EYS: variants seen among roughly 807,000 people sequenced by gnomAD.
The protein encoded by EYS is protein eyes shut homolog.
A neutral mutation model predicts 282.1 loss-of-function variants in EYS; 250 were observed. The observed-to-expected ratio is 0.89, with a 90% CI of 0.80 to 0.98. EYS has a LOEUF of 0.98. Ranked by LOEUF, EYS falls within the 50% of genes least tolerant of loss-of-function variation. The probability of loss-of-function intolerance (pLI) is 0.00; values close to 1 mark genes in which losing one functional copy is unlikely to be tolerated. For missense variants in EYS, 4,016 were observed against 3,709.0 expected (o/e 1.08, Z -2.15); for synonymous variants, 1,355 against 1,282.9 (o/e 1.06, Z -1.20).
intron 13 of EYS, among the ~76,000 whole-genome samples, chr6:65,040,296 T>A (rs879844858): frequency 6.6e-6 from 1 of 151,738 alleles, no homozygotes; most frequent in African/African-American, 2.4e-5. Flanking sequence ...AGAGAATCTC[T>A]TCCATGTTCC....
chr6:64,626,179 A>T lies in EYS; in HGVS notation c.3510T>A (p.Cys1170Ter). ...GATCTTCACAGTCTGCACCATGTAGACATGGTGATGAAGAGCATTCATTTA... is the reference window on the plus strand; with the variant it reads ...GATCTTCACAGTCTGCACCATGTAGTCATGGTGATGAAGAGCATTCATTTA... ...ININECSSSP[C>*]LHGADCEDHI... The change falls in exon 23 of 43, where the codon TGT becomes TGA. Residue 1170 changes from cysteine (C) to a stop codon, truncating the protein, a stop_gained. Transcript: ENST00000503581. LOFTEE classifies it high-confidence loss of function. The T allele has an allele frequency of 1.9e-6, 3 of 1,544,940 alleles. No homozygotes were observed. The highest frequency in any genetic ancestry group is 2.6e-6 in the Non-Finnish European group (3 of 1,145,254).
intron 16 of EYS, 61 bp downstream of exon 16, chr6:64,912,423 A>G (rs1249383243): frequency 1.3e-6 from 2 of 1,486,260 alleles, no homozygotes; most frequent in Non-Finnish European, 1.8e-6. Context: ...CATAGGCACA[A>G]TAAATACACA....
intron 11 of EYS, chr6:65,330,201 G>GA: frequency 1.0e-6 from 1 of 953,860 alleles, no homozygotes; most frequent in Non-Finnish European, 1.2e-6. Flanking sequence ...ATTACCTGGG[G>GA]ACAGGTATCA....
At chr6:65,188,124 C>T (rs1426389093) in intron 12 of EYS, among the ~76,000 whole-genome samples, 1 of 151,436 alleles carries the variant, frequency 6.6e-6, no homozygotes, top group Non-Finnish European at 1.5e-5. Flanking sequence ...AGTATATATA[C>T]TCATATCAAT....
chr6:63,789,167 C>T lies in EYS; in HGVS notation c.7469G>A (p.Ser2490Asn). ...TGCTATGCCAGACCCCAGGTTATAA[C>T]TATAAACCACACTGCCATTGAGCAG... ...VGLLNGSVVY[S>N]YNLGSGIASI... Residue 2490 changes from serine to asparagine, a missense_variant, in exon 38 of 43, where the codon AGT becomes AAT. Coordinates refer to ENST00000503581, the MANE Select transcript of EYS (RefSeq NM_001142800.2). The T allele has an allele frequency of 6.4e-7, 1 of 1,551,828 alleles. No homozygotes were observed. The highest frequency in any genetic ancestry group is 8.7e-7 in the Non-Finnish European group (1 of 1,146,956).
intron 22 of EYS, among the ~76,000 whole-genome samples, chr6:64,726,032 C>T (rs555165553): frequency 1.3e-4 from 20 of 152,050 alleles, no homozygotes; most frequent in Middle Eastern, 3.4e-3. Context: ...TCAAAAATAC[C>T]CCTATTCTTC....
intron 42 of EYS, 61 bp from the exon 43 acceptor site, chr6:63,721,858 T>C (rs375560821): frequency 2.7e-6 from 4 of 1,461,330 alleles, no homozygotes; most frequent in East Asian, 2.5e-5. Context: ...TGAAAACTTT[T>C]GCTGTTTCTG....
At chr6:64,782,039 C>T (rs1173704619) in intron 22 of EYS, among the ~76,000 whole-genome samples, 2 of 152,080 alleles carry the variant, frequency 1.3e-5, no homozygotes, top group East Asian at 1.9e-4. Context: ...ACCAGTAAAA[C>T]GATGTTTTGT....
intron 2 of EYS, among the ~76,000 whole-genome samples, chr6:65,588,943 T>C (rs1765144251): frequency 1.3e-5 from 2 of 152,038 alleles, no homozygotes; most frequent in Admixed American, 1.3e-4. Flanking sequence ...CTTTTATATT[T>C]TTGAAACCCC....
At chr6:64,702,396 T>C (rs1278593759) in intron 22 of EYS, among the ~76,000 whole-genome samples, 1 of 152,044 alleles carries the variant, frequency 6.6e-6, no homozygotes, top group African/African-American at 2.4e-5. Context: ...CAAACACATA[T>C]AACTATGTAA....
chr6:64,248,506 T>A (rs1393611193), intron 30 of EYS, among the ~76,000 whole-genome samples: 2 of 151,976 alleles, frequency 1.3e-5, no homozygotes, highest in African/African-American at 4.8e-5. Context: ...GACTTTGTGG[T>A]TGGTTTTAAG....
intron 2 of EYS, among the ~76,000 whole-genome samples, chr6:65,517,707 T>C (rs1767195098): frequency 6.6e-6 from 1 of 152,000 alleles, no homozygotes; most frequent in Non-Finnish European, 1.5e-5. Context: ...GAAACTACAG[T>C]TTAATTATTT....
At chr6:64,323,028 ATTGTTTAACAGCTTTATTGAGGTAAAC>A (rs1242473943) in intron 29 of EYS, among the ~76,000 whole-genome samples, 2 of 152,086 alleles carry the variant, frequency 1.3e-5, no homozygotes, top group African/African-American at 4.8e-5. Flanking sequence ...TGATTTCTTT[ATTGTTTAACAGCTTTATTGAGGTAAAC>A]TTCACATATC....
At chr6:63,843,270 C>G (rs917316198) in intron 36 of EYS, among the ~76,000 whole-genome samples, 3 of 151,920 alleles carry the variant, frequency 2.0e-5, no homozygotes, top group African/African-American at 7.3e-5. Context: ...TGTTTGTGTC[C>G]TCTTATTTCC....
At chr6:65,336,156 TC>T (rs2150314490) in intron 10 of EYS, among the ~76,000 whole-genome samples, 1 of 151,840 alleles carries the variant, frequency 6.6e-6, no homozygotes, top group Admixed American at 6.6e-5. Context: ...TCTTTATAAA[TC>T]ACCGAGTCTC....
At chr6:65,508,050 G>A (rs1766722639) in intron 2 of EYS, among the ~76,000 whole-genome samples, 1 of 152,100 alleles carries the variant, frequency 6.6e-6, no homozygotes, top group African/African-American at 2.4e-5. Context: ...AGATGAACAG[G>A]CCTCTAATGT....
chr6:64,099,461 A>T (rs1202486772), intron 31 of EYS, among the ~76,000 whole-genome samples: 2 of 152,210 alleles, frequency 1.3e-5, no homozygotes, highest in African/African-American at 2.4e-5. Flanking sequence ...ATGAAATTAT[A>T]CCTTCACAGT....
intron 33 of EYS, among the ~76,000 whole-genome samples, chr6:64,047,354 A>G (rs953641063): frequency 6.6e-6 from 1 of 152,164 alleles, no homozygotes; most frequent in Admixed American, 6.5e-5. Context: ...CAGAAACACA[A>G]AAACTGATTA....
intron 22 of EYS, among the ~76,000 whole-genome samples, chr6:64,767,318 T>A (rs1394621421): frequency 6.6e-6 from 1 of 152,082 alleles, no homozygotes; most frequent in African/African-American, 2.4e-5. Flanking sequence ...GTATATAAGA[T>A]ATTACTGCTA....
Sources: allele counts gnomAD v4.1 joint callset (sites outside exome capture counted in the v4.1 genomes callset), GRCh38; gene constraint gnomAD v4.1.1; transcripts MANE v1.5; gene names NCBI Gene and HGNC (gene_info 2026-07-23, HGNC 2026-07-21).